OSGEPL1: variants seen among roughly 807,000 people sequenced by gnomAD.
OSGEPL1 encodes O-sialoglycoprotein endopeptidase like 1.
In OSGEPL1, 26 loss-of-function variants were observed where a neutral mutation model predicts 37.2. The ratio of observed to expected loss-of-function variants is 0.70; its 90% confidence interval spans 0.51 to 0.97. The LOEUF (loss-of-function observed/expected upper bound fraction) is 0.97, where lower values mean the gene tolerates loss of function less well. Among genes scored for constraint, OSGEPL1 ranks in the 50% least tolerant of loss-of-function variants. The pLI is 0.00. For missense variants in OSGEPL1, 404 were observed against 487.0 expected (o/e 0.83, Z 1.60); for synonymous variants, 140 against 159.9 (o/e 0.88, Z 0.94).
intron 1 of OSGEPL1, among the ~76,000 whole-genome samples, chr2:189,762,250 T>C (rs896269028): frequency 1.1e-4 from 17 of 152,188 alleles, no homozygotes; most frequent in African/African-American, 3.9e-4. Context: ...CCCAAATCCT[T>C]TTCCCCCAAA....
upstream of OSGEPL1, chr2:189,762,900 C>T (rs759544819): frequency 2.4e-5 from 24 of 985,320 alleles, no homozygotes; most frequent in Admixed American, 6.1e-4. Context: ...AAAACGCTCT[C>T]TGTGCGCACC....
Position 189,755,342 on chromosome 2 carries a change from T to G in OSGEPL1, c.440A>C (p.His147Pro). 6.2e-7 allele frequency: 1 copy of G among 1,613,478 alleles called. No homozygotes were observed. The highest frequency in any genetic ancestry group is 8.5e-7 in the Non-Finnish European group (1 of 1,179,694). The change falls in exon 3 of 9, where the codon CAT becomes CCT. Residue 147 changes from histidine (H) to proline (P), a missense_variant. Physicochemically the swap from His to Pro is moderately conservative, Grantham distance 77. Coordinates refer to ENST00000264151, the MANE Select transcript of OSGEPL1 (RefSeq NM_022353.3). The part of the protein sequence containing the change: ...QLKKPFIPIH[H>P]MEAHALTIRL... ...AATAGTAAGTGCATGAGCCTCCATATGATGAATGGGAATGAATGGCTTTTT... is the reference window on the plus strand; with the variant it reads ...AATAGTAAGTGCATGAGCCTCCATAGGATGAATGGGAATGAATGGCTTTTT...
At chr2:189,750,236 G>A (rs372759472) in intron 8 of OSGEPL1, among the ~76,000 whole-genome samples, 1 of 152,156 alleles carries the variant, frequency 6.6e-6, no homozygotes, top group African/African-American at 2.4e-5. Flanking sequence ...TGAGGAAGTG[G>A]GGGAAAGTCC....
chr2:189,753,272 TTTA>T (rs369691392), intron 5 of OSGEPL1: 288 of 182,940 alleles, frequency 1.6e-3, no homozygotes, highest in African/African-American at 6.3e-3. Context: ...CCCTGAAATT[TTTA>T]TTATTTTGTG....
intron 2 of OSGEPL1, among the ~76,000 whole-genome samples, chr2:189,758,155 G>A (rs1252848407): frequency 6.6e-6 from 1 of 152,148 alleles, no homozygotes; most frequent in Non-Finnish European, 1.5e-5. Flanking sequence ...GGCCGAGGTG[G>A]GTGGATCACT....
intron 2 of OSGEPL1, among the ~76,000 whole-genome samples, chr2:189,757,487 T>C (rs1390004134): frequency 6.6e-6 from 1 of 152,240 alleles, no homozygotes; most frequent in Non-Finnish European, 1.5e-5. Context: ...GCCCTTGCTA[T>C]TCAAGAAGAA....
chr2:189,750,753 C>G, intron 7 of OSGEPL1, 97 bp from the exon 8 acceptor site: 1 of 827,656 alleles, frequency 1.2e-6, no homozygotes, highest in Non-Finnish European at 1.8e-6. Context: ...GTATAAATAT[C>G]AAATATTTAA....
chr2:189,752,602 T>C (rs1367502743), intron 7 of OSGEPL1, 51 bp downstream of exon 7: 1 of 1,584,006 alleles, frequency 6.3e-7, no homozygotes, highest in Non-Finnish European at 8.6e-7. Context: ...AAATCCAGGC[T>C]TTGTCTTAAG....
In OSGEPL1 at chr2:189,755,160, A is replaced by C; in HGVS notation, c.609+13T>G. 6.3e-7 allele frequency: 1 copy of C among 1,591,590 alleles called. No individual in the cohort carries two copies. Among genetic ancestry groups the C allele is most frequent in the Non-Finnish European group, 8.5e-7 (1 of 1,174,794 alleles). On this transcript the variant is annotated intron_variant, in intron 3 of 8. Coordinates refer to ENST00000264151, the MANE Select transcript of OSGEPL1 (RefSeq NM_022353.3). ...CATAACAAAAAAGAATGGAGAAATTAATTCTTAATTACCTTGTCAAGCATG... is the reference window on the plus strand; with the variant it reads ...CATAACAAAAAAGAATGGAGAAATTCATTCTTAATTACCTTGTCAAGCATG...
In OSGEPL1 at chr2:189,752,656, G is replaced by A; in HGVS notation, c.1163C>T (p.Pro388Leu). 4 of 1,613,512 alleles carry A rather than the reference G, an allele frequency of 2.5e-6. No homozygotes were observed. The highest frequency in any genetic ancestry group is 3.4e-6 in the Non-Finnish European group (4 of 1,179,762). The change falls in exon 7 of 9, where the codon CCA (proline) becomes CTA (leucine). Residue 388 changes from proline (P) to leucine (L), a missense_variant. Coordinates refer to ENST00000264151, the MANE Select transcript of OSGEPL1 (RefSeq NM_022353.3). ...GATCATGAATGATACCACATACTTTGGTTCATAGCGGATGCCTTCTATGTC... is the reference window on the plus strand; with the variant it reads ...GATCATGAATGATACCACATACTTTAGTTCATAGCGGATGCCTTCTATGTC... The part of the protein sequence containing the change: ...LHDIEGIRYE[P>L]KCPLGVDISK...
intron 8 of OSGEPL1, among the ~76,000 whole-genome samples, chr2:189,749,412 G>A (rs542069704): frequency 1.3e-5 from 2 of 150,676 alleles, no homozygotes; most frequent in East Asian, 2.0e-4. Context: ...TATAAAAATC[G>A]AAATAAAAAA....
intron 3 of OSGEPL1, chr2:189,754,580 C>A: frequency 2.1e-6 from 1 of 469,170 alleles, no homozygotes; most frequent in Non-Finnish European, 3.7e-6. Context: ...GTTTGCTCTT[C>A]TATTGGTTGG....
intron 2 of OSGEPL1, among the ~76,000 whole-genome samples, chr2:189,758,966 G>A (rs573283870): frequency 1.3e-5 from 2 of 152,262 alleles, no homozygotes; most frequent in African/African-American, 4.8e-5. Context: ...AAACTGAAAG[G>A]ACTGTGAAGC....
At chr2:189,747,653 A>G in intron 8 of OSGEPL1, among the ~76,000 whole-genome samples, 1 of 152,108 alleles carries the variant, frequency 6.6e-6, no homozygotes, top group Non-Finnish European at 1.5e-5. Flanking sequence ...ATATGATACA[A>G]ACACCTGGCT....
At chr2:189,761,880 T>C (rs1419740133) in intron 1 of OSGEPL1, among the ~76,000 whole-genome samples, 1 of 152,200 alleles carries the variant, frequency 6.6e-6, no homozygotes, top group East Asian at 1.9e-4. Flanking sequence ...GTATTATTAT[T>C]ACTTGCATGC....
At position 189,761,412 on chromosome 2, in the gene OSGEPL1, C is replaced by G; in HGVS notation, c.221+8G>C. 1 of 1,591,998 alleles carries G rather than the reference C, an allele frequency of 6.3e-7. No individual in the cohort carries two copies. Among genetic ancestry groups the G allele is most frequent in the African/African-American group, 1.4e-5 (1 of 73,630 alleles). On this transcript the variant is annotated splice_region_variant and intron_variant, in intron 2 of 8. Transcript: ENST00000264151. Reference sequence around the variant, plus strand: ...AAAGTGGAAATGACTAAGATAATGTCTACTTACTTTAAATGAACTTCAGTT... The same window carrying G: ...AAAGTGGAAATGACTAAGATAATGTGTACTTACTTTAAATGAACTTCAGTT...
chr2:189,760,286 G>A (rs1270788768), intron 2 of OSGEPL1, among the ~76,000 whole-genome samples: 2 of 152,114 alleles, frequency 1.3e-5, no homozygotes, highest in East Asian at 1.9e-4. Context: ...CCTCCCAGAC[G>A]GGGTGGCAGC....
At position 189,755,285 on chromosome 2, in the gene OSGEPL1, A is replaced by C. The variant is rs1245833987; in HGVS notation, c.497T>G (p.Leu166Ter). ...RLTNKVEFPF[L>*]VLLISGGHCL... ...GTGACCTCCAGAAATCAAAAGAACT[A>C]AAAAAGGAAATTCTACTTTATTGGT... The change falls in exon 3 of 9, where the codon TTA becomes TGA. Residue 166 changes from leucine (L) to a stop codon, truncating the protein, a stop_gained. Coordinates refer to ENST00000264151, the MANE Select transcript of OSGEPL1 (RefSeq NM_022353.3). LOFTEE classifies it high-confidence loss of function. 1.2e-6 allele frequency: 2 copies of C among 1,613,410 alleles called. No individual in the cohort carries two copies. Among genetic ancestry groups the C allele is most frequent in the Admixed American group, 3.3e-5 (2 of 59,808 alleles).
chr2:189,753,515 A>C (rs1010795248), intron 5 of OSGEPL1, among the ~76,000 whole-genome samples: 5 of 152,206 alleles, frequency 3.3e-5, no homozygotes, highest in African/African-American at 1.2e-4. Flanking sequence ...TAGTGTCACG[A>C]AAGTTGGTAT....
Sources: allele counts gnomAD v4.1 joint callset (sites outside exome capture counted in the v4.1 genomes callset), GRCh38; gene constraint gnomAD v4.1.1; transcripts MANE v1.5; gene names NCBI Gene and HGNC (gene_info 2026-07-23, HGNC 2026-07-21).